The following LRRIQ1 variants were observed in gnomAD, a reference collection of about 807,000 sequenced individuals.
LRRIQ1 encodes leucine-rich repeat- and IQ domain-containing protein 1.
A neutral mutation model predicts 211.9 loss-of-function variants in LRRIQ1; 210 were observed. That is an observed-to-expected ratio of 0.99 (90% CI 0.89 to 1.11). LRRIQ1 has a LOEUF of 1.11. Ranked by LOEUF, LRRIQ1 falls within the 50% of genes most tolerant of loss-of-function variation. LRRIQ1 has a pLI of 0.00. For synonymous variants in LRRIQ1, 699 were observed against 650.1 expected (o/e 1.08, Z -1.14); for missense variants, 2,136 against 1,939.5 (o/e 1.10, Z -1.90).
intron 24 of LRRIQ1, among the ~76,000 whole-genome samples, chr12:85,183,574 A>T (rs566378274): frequency 1.2e-4 from 18 of 152,230 alleles, no homozygotes; most frequent in Non-Finnish European, 2.2e-4. Flanking sequence ...ATATAAAAAG[A>T]AAATATCATG....
intron 19 of LRRIQ1, among the ~76,000 whole-genome samples, chr12:85,150,814 A>G (rs1890193945): frequency 6.6e-6 from 1 of 151,646 alleles, no homozygotes; most frequent in African/African-American, 2.4e-5. Context: ...ATTATTTACA[A>G]ATACTGAAAT....
At chr12:85,215,501 C>T (rs1277326554) in intron 24 of LRRIQ1, among the ~76,000 whole-genome samples, 1 of 152,058 alleles carries the variant, frequency 6.6e-6, no homozygotes, top group Non-Finnish European at 1.5e-5. Flanking sequence ...CTCCCTCTAC[C>T]CACCCTCCAA....
At chr12:85,040,671 C>T (rs542429560) in intron 3 of LRRIQ1, 70 bp downstream of exon 3, 3 of 882,806 alleles carry the variant, frequency 3.4e-6, no homozygotes, top group Admixed American at 2.2e-5. Flanking sequence ...ATTTAGTAAA[C>T]TAAAGTGCTT....
chr12:85,160,809 G>GTA (rs1289984908), intron 24 of LRRIQ1, 95 bp downstream of exon 24: 2 of 538,444 alleles, frequency 3.7e-6, no homozygotes, highest in Admixed American at 3.8e-5. Flanking sequence ...TAATCATAAA[G>GTA]TATATATATA....
chr12:85,084,634 A>G (rs1884625907), intron 11 of LRRIQ1, among the ~76,000 whole-genome samples: 2 of 152,156 alleles, frequency 1.3e-5, no homozygotes, highest in Admixed American at 1.3e-4. Flanking sequence ...ATGTTTTAAA[A>G]GTACAGTGAG....
intron 24 of LRRIQ1, among the ~76,000 whole-genome samples, chr12:85,203,097 G>A (rs1467702812): frequency 6.6e-6 from 1 of 152,088 alleles, no homozygotes; most frequent in Non-Finnish European, 1.5e-5. Context: ...TATCATAGTG[G>A]CAGCTTCCCC....
At chr12:85,062,595 C>T (rs1881967611) in intron 8 of LRRIQ1, among the ~76,000 whole-genome samples, 1 of 150,260 alleles carries the variant, frequency 6.7e-6, no homozygotes, top group Non-Finnish European at 1.5e-5. Flanking sequence ...TTAATCTAAT[C>T]CACTGTTGAT....
chr12:85,154,081 A>G lies in LRRIQ1; in HGVS notation c.4707A>G (p.Leu1569=). The G allele has an allele frequency of 6.4e-7, 1 of 1,564,914 alleles. No homozygotes were observed. Among genetic ancestry groups the G allele is most frequent in the Non-Finnish European group, 8.7e-7 (1 of 1,153,450 alleles). The stretch of plus-strand genomic sequence containing the variant: ...CACAGAAAATGAAATCGAAGAAACT[A>G]AAGAAAAAAATAGGTGAGTAATTAG... The part of the protein sequence containing the change: ...KRAQKMKSKK[L]KKKIDSTVRL... The change falls in exon 23 of 27, where the codon CTA becomes CTG. Residue 1569 remains leucine, a synonymous_variant. Coordinates refer to ENST00000393217, the MANE Select transcript of LRRIQ1 (RefSeq NM_001079910.2).
chr12:85,236,830 C>CATATATATATATATATATATATATAT (rs60371759), intron 26 of LRRIQ1, among the ~76,000 whole-genome samples: 46 of 108,778 alleles, frequency 4.2e-4, no homozygotes, highest in African/African-American at 9.9e-4. Context: ...TGTATGTGTG[C>CATATATATATATATATATATATATAT]ATATATATAT....
chr12:85,047,153 AAAAAAAAATT>A lies in LRRIQ1; in HGVS notation c.455-86_455-77del, dbSNP rs902225007. On this transcript the variant is annotated intron_variant, in intron 5 of 26. Coordinates refer to ENST00000393217, the MANE Select transcript of LRRIQ1 (RefSeq NM_001079910.2). ...GTACCCTAGAACTTAAAGTAAAATT[AAAAAAAAATT>A]AAAAAAATTACTTTTATACTTTGAA... is the stretch of plus-strand genomic sequence containing the variant. The A allele has an allele frequency of 2.2e-4, 180 of 828,490 alleles. No homozygotes were observed. The Middle Eastern group carries it at 2.7e-3, about 12-fold the overall frequency. 51.3% of individuals were successfully genotyped at this position (828,490 alleles called of 1,614,324 possible). A position where few individuals can be genotyped will look rare whatever the true frequency, so the allele number is the denominator to read the frequency against.
Position 85,244,998 on chromosome 12 carries a change from G to A in LRRIQ1, c.*57G>A, listed in dbSNP as rs1043641433. 1 of 1,580,272 alleles carries A rather than the reference G, an allele frequency of 6.3e-7. No individual in the cohort carries two copies. The highest frequency in any genetic ancestry group is 8.6e-7 in the Non-Finnish European group (1 of 1,161,660). ...CAACAAGCATTCTTTTTCAGATAGG[G>A]GGTAGGATGCCAGCAACCTGAACTG... On this transcript the variant is annotated 3_prime_UTR_variant, in exon 27 of 27. Transcript: ENST00000393217.
chr12:85,137,884 TGAC>T lies in LRRIQ1; in HGVS notation c.4245_4247del (p.Thr1417del). 3 of 1,593,232 alleles carry T rather than the reference TGAC, an allele frequency of 1.9e-6. No individual in the cohort carries two copies. Among genetic ancestry groups the T allele is most frequent in the Non-Finnish European group, 2.6e-6 (3 of 1,169,590 alleles). On this transcript the variant is annotated inframe_deletion, in exon 19 of 27. Transcript: ENST00000393217. ...AAGGGCTTTATTTTGCGAAAGAAAC[TGAC>T]AACAGCTCTAGAGGCTATTAAGAAT...
rs191829766 is a variant in LRRIQ1 at position 85,203,036 on chromosome 12, T to G, written c.4823-26481T>G. On this transcript the variant is annotated intron_variant, in intron 24 of 26. Coordinates refer to ENST00000393217, the MANE Select transcript of LRRIQ1 (RefSeq NM_001079910.2). ...CCCACACAAACCTCATCTTAAACTGTACTCCCATAATTCCCACATGTTGTA... is the reference window on the plus strand; with the variant it reads ...CCCACACAAACCTCATCTTAAACTGGACTCCCATAATTCCCACATGTTGTA... 2.5e-4 allele frequency among the ~76,000 whole-genome samples: 38 copies of G among 152,326 alleles called. 1 individual carries two copies. The highest frequency in any genetic ancestry group is 9.1e-4 in the African/African-American group (38 of 41,578).
At chr12:85,179,904 T>C (rs1891895491) in intron 24 of LRRIQ1, among the ~76,000 whole-genome samples, 1 of 151,958 alleles carries the variant, frequency 6.6e-6, no homozygotes, top group Non-Finnish European at 1.5e-5. Flanking sequence ...GGATCAAATC[T>C]TAATCATATT....
chr12:85,184,028 A>G (rs570733164), intron 24 of LRRIQ1, among the ~76,000 whole-genome samples: 20 of 152,146 alleles, frequency 1.3e-4, no homozygotes, highest in Non-Finnish European at 2.8e-4. Flanking sequence ...ATCCTTTTTC[A>G]TTTGACCACT....
At chr12:85,180,220 A>G (rs1001180219) in intron 24 of LRRIQ1, among the ~76,000 whole-genome samples, 5 of 151,928 alleles carry the variant, frequency 3.3e-5, no homozygotes, top group African/African-American at 1.2e-4. Flanking sequence ...ACCAACTGTG[A>G]GGTTATGGAC....
intron 15 of LRRIQ1, among the ~76,000 whole-genome samples, chr12:85,118,671 A>G (rs1467863769): frequency 6.6e-6 from 1 of 152,032 alleles, no homozygotes; most frequent in Non-Finnish European, 1.5e-5. Context: ...CTTCTTTTGT[A>G]ATACATATAC....
rs570219026 is a variant in LRRIQ1, at chr12:85,138,707, T to A, written c.4329+738T>A. ...AAGGTCATATGATATAAAACAGAAA[T>A]TTTTAAATGCTGTAATTCCATAATT... is the stretch of plus-strand genomic sequence containing the variant. On this transcript the variant is annotated intron_variant, in intron 19 of 26. Transcript: ENST00000393217. Among the ~76,000 whole-genome samples the A allele has an allele frequency of 1.1e-4, 17 of 151,610 alleles. No homozygotes were observed. The South Asian group carries it at 2.9e-3, about 26-fold the overall frequency.
At position 85,056,143 on chromosome 12, in the gene LRRIQ1, TG is replaced by T. The variant is rs778287933; in HGVS notation, c.1351del (p.Val451Ter). On this transcript the variant is annotated frameshift_variant, in exon 8 of 27. Coordinates refer to ENST00000393217, the MANE Select transcript of LRRIQ1 (RefSeq NM_001079910.2). LOFTEE classifies it high-confidence loss of function. ...TTGAGGAATCAAATATGAAAGAAAA[TG>T]TAGATAGACAGACTATATTAAAAGA... ...LVEESNMKEN[V>X]DRQTILKESI... 1.3e-6 allele frequency: 2 copies of T among 1,598,974 alleles called. No homozygotes were observed. Among genetic ancestry groups the T allele is most frequent in the Non-Finnish European group, 1.7e-6 (2 of 1,175,742 alleles).
Sources: gnomAD v4.1 joint callset for allele counts (sites outside exome capture counted in the v4.1 genomes callset) on GRCh38, gnomAD v4.1.1 for gene constraint, MANE v1.5 for transcripts, NCBI Gene and HGNC (gene_info 2026-07-23, HGNC 2026-07-21) for gene names.